The following TENM3 variants were observed in gnomAD, a reference collection of about 807,000 sequenced individuals.
TENM3 encodes teneurin transmembrane protein 3, also known as teneurin-3.
Under a neutral mutation model 255.1 loss-of-function variants are expected in TENM3, and 63 were observed. The ratio of observed to expected loss-of-function variants is 0.25; its 90% CI spans 0.20 to 0.30. TENM3 has a LOEUF of 0.30. TENM3 is among the 10% of genes least tolerant of loss of function. The pLI, the probability that TENM3 is intolerant of heterozygous loss-of-function variation, is 1.00. For missense variants in TENM3, 2,929 were observed against 3,461.1 expected (o/e 0.85, Z 3.86); for synonymous variants, 1,306 against 1,322.3 (o/e 0.99, Z 0.27).
chr4:181,534,862 G>A, the TENM3 span, among the ~76,000 whole-genome samples: 1 of 152,148 alleles, frequency 6.6e-6, no homozygotes, highest in African/African-American at 2.4e-5. Flanking sequence ...AACAGTCCTT[G>A]TAACTTCCGA....
intron 3 of TENM3, among the ~76,000 whole-genome samples, chr4:182,555,604 A>G (rs953798341): frequency 3.9e-5 from 6 of 152,186 alleles, no homozygotes; most frequent in East Asian, 1.9e-4. Flanking sequence ...TGAATGTGCT[A>G]TTAACTAAAC....
At chr4:182,303,429 T>C (rs929298777) in intron 1 of TENM3, among the ~76,000 whole-genome samples, 2 of 152,236 alleles carry the variant, frequency 1.3e-5, no homozygotes, top group South Asian at 4.1e-4. Flanking sequence ...ATTTCTGTTG[T>C]GTTGGTGGAT....
At position 182,681,963 on chromosome 4, in the gene TENM3, A is replaced by C; in HGVS notation, c.1984A>C (p.Ser662Arg). Residue 662 changes from serine (S) to arginine (R), a missense_variant, in exon 11 of 28, where the codon AGT (serine) becomes CGT (arginine). Around this residue, in one of 6 missense-constraint regions of TENM3, gnomAD observed 1,608 missense variants for 1,884.4 expected, o/e 0.85. Transcript: ENST00000511685. ...CSGHGTYLQE[S>R]GSCTCDPNWT... ...CGGCCACGGAACGTATCTTCAAGAA[A>C]GTGGCTCCTGCACGTGTGACCCTAA... The C allele has an allele frequency of 6.2e-7, 1 of 1,613,990 alleles. No individual in the cohort carries two copies. The highest frequency in any genetic ancestry group is 2.2e-5 in the East Asian group (1 of 44,880).
At chr4:182,011,901 C>T in the TENM3 span, among the ~76,000 whole-genome samples, 2,213 of 152,196 alleles carry the variant, frequency 0.015, 45 homozygotes, top group African/African-American at 0.05. Flanking sequence ...CCCTTGTTTG[C>T]GGACACCTAT....
chr4:182,085,914 A>T, the TENM3 span, among the ~76,000 whole-genome samples: 2 of 152,214 alleles, frequency 1.3e-5, no homozygotes, highest in African/African-American at 4.8e-5. Flanking sequence ...AGAAGTATGA[A>T]TCTTGAAAAT....
the TENM3 span, among the ~76,000 whole-genome samples, chr4:181,959,174 A>T: frequency 2.0e-5 from 3 of 152,146 alleles, no homozygotes; most frequent in Non-Finnish European, 4.4e-5. Flanking sequence ...CTCAAATGCC[A>T]TTTCCTCTAG....
At chr4:182,340,671 T>C (rs7691620) in intron 2 of TENM3, among the ~76,000 whole-genome samples, 11,472 of 152,286 alleles carry the variant, frequency 0.075, 455 homozygotes, top group Non-Finnish European at 0.083. Context: ...AAATTACATA[T>C]ACTTCTTTTG....
the TENM3 span, among the ~76,000 whole-genome samples, chr4:181,999,479 A>G: frequency 6.6e-6 from 1 of 152,316 alleles, no homozygotes. Context: ...CATAGGGATG[A>G]GGAAGAATAT....
chr4:181,801,651 A>ATATATAT, the TENM3 span, among the ~76,000 whole-genome samples: 7 of 80,940 alleles, frequency 8.6e-5, no homozygotes, highest in South Asian at 4.1e-4. Context: ...AGAATTGTAA[A>ATATATAT]ATATATATAT....
chr4:181,533,436 C>CA, the TENM3 span, among the ~76,000 whole-genome samples: 2 of 152,258 alleles, frequency 1.3e-5, no homozygotes, highest in African/African-American at 4.8e-5. Context: ...AGAAGGTCAA[C>CA]ATTCACCTTT....
At chr4:182,407,816 C>G (rs1769688726) in intron 3 of TENM3, among the ~76,000 whole-genome samples, 1 of 152,188 alleles carries the variant, frequency 6.6e-6, no homozygotes, top group Admixed American at 6.5e-5. Flanking sequence ...CTTCTTTATG[C>G]TATCCTCAGG....
chr4:181,998,281 A>G, the TENM3 span, among the ~76,000 whole-genome samples: 61 of 152,306 alleles, frequency 4.0e-4, no homozygotes, highest in East Asian at 0.01. Flanking sequence ...GACTTTGCCA[A>G]CCTAAGAGGG....
chr4:182,556,817 A>G (rs1017135703), intron 3 of TENM3, among the ~76,000 whole-genome samples: 1 of 152,202 alleles, frequency 6.6e-6, no homozygotes, highest in Admixed American at 6.5e-5. Context: ...AGGCAGAGAA[A>G]AGCATACAAA....
chr4:181,737,104 G>A, the TENM3 span, among the ~76,000 whole-genome samples: 1 of 152,148 alleles, frequency 6.6e-6, no homozygotes, highest in Admixed American at 6.6e-5. Flanking sequence ...TTCAAATACA[G>A]ACCAAGTTCT....
intron 1 of TENM3, among the ~76,000 whole-genome samples, chr4:182,224,212 G>A (rs1029895535): frequency 1.3e-5 from 2 of 152,250 alleles, no homozygotes; most frequent in Admixed American, 6.5e-5. Context: ...TTTAATTAGT[G>A]TATCCGTTCT....
At chr4:182,567,941 G>A (rs754767931) in intron 3 of TENM3, among the ~76,000 whole-genome samples, 1 of 151,724 alleles carries the variant, frequency 6.6e-6, no homozygotes, top group African/African-American at 2.4e-5. Flanking sequence ...TGCTTCAAAA[G>A]TATTTCTTCA....
intron 16 of TENM3, among the ~76,000 whole-genome samples, chr4:182,731,659 ATAAT>A (rs1158310051): frequency 1.3e-5 from 2 of 151,452 alleles, no homozygotes; most frequent in African/African-American, 2.4e-5. Flanking sequence ...CTATCTTTAA[ATAAT>A]TCTATAGAAT....
chr4:182,117,240 T>C, the TENM3 span, among the ~76,000 whole-genome samples: 4 of 152,184 alleles, frequency 2.6e-5, no homozygotes, highest in African/African-American at 9.6e-5. Context: ...GCTCGTCTTT[T>C]CATTCTCTTG....
At chr4:182,281,329 C>T (rs2150272376) in intron 1 of TENM3, among the ~76,000 whole-genome samples, 1 of 152,208 alleles carries the variant, frequency 6.6e-6, no homozygotes, top group Non-Finnish European at 1.5e-5. Context: ...AAGATATTCC[C>T]ATAGGTTGGA....
Sources: gnomAD v4.1 joint callset for allele counts (sites outside exome capture counted in the v4.1 genomes callset) on GRCh38, gnomAD v4.1.1 for gene constraint, gnomAD v4.1.1 regional missense constraint, MANE v1.5 for transcripts, NCBI Gene and HGNC (gene_info 2026-07-23, HGNC 2026-07-21) for gene names.